The following EDNRA variants were observed in gnomAD, a reference collection of about 807,000 sequenced individuals.
EDNRA encodes endothelin-1 receptor.
Under a neutral mutation model 41.4 loss-of-function variants are expected in EDNRA, and 11 were observed. That is an observed-to-expected ratio of 0.27 (90% CI 0.17 to 0.44). The LOEUF is 0.44. Among genes scored for constraint, EDNRA ranks in the 20% least tolerant of loss-of-function variants. EDNRA has a pLI of 1.00. For missense variants in EDNRA, 294 were observed against 531.0 expected (o/e 0.55, Z 4.39); for synonymous variants, 172 against 183.0 (o/e 0.94, Z 0.49).
Position 147,519,742 on chromosome 4 carries a change from A to G in EDNRA, c.421-109A>G. On this transcript the variant is annotated intron_variant, in intron 2 of 7. Coordinates refer to ENST00000651419, the MANE Select transcript of EDNRA (RefSeq NM_001957.4). The surrounding 1 kb of genome is among the most constrained non-coding windows in gnomAD (Gnocchi z 4.1). ...CTCTTTTGCTACAGTGCTAACTGAA[A>G]AGCACTGTGAATAAAATTTAGAAGT... 7.5e-7 allele frequency: 1 copy of G among 1,325,064 alleles called. No individual in the cohort carries two copies. The highest frequency in any genetic ancestry group is 1.0e-6 in the Non-Finnish European group (1 of 977,474). 82.1% of individuals were successfully genotyped at this position (1,325,064 alleles called of 1,614,324 possible). A position where few individuals can be genotyped will look rare whatever the true frequency, so the allele number is the denominator to read the frequency against.
At chr4:147,482,049 G>C (rs533426524) in intron 1 of EDNRA, among the ~76,000 whole-genome samples, 1 of 152,258 alleles carries the variant, frequency 6.6e-6, no homozygotes, top group East Asian at 1.9e-4. Context: ...GTTGGGGGTG[G>C]GAGGCATATT....
intron 2 of EDNRA, chr4:147,505,959 A>C (rs1412578214): frequency 6.3e-6 from 2 of 317,586 alleles, no homozygotes; most frequent in Admixed American, 4.3e-5. Context: ...GCAGTTTCTT[A>C]TAAAACTAAA....
At chr4:147,541,593 A>G (rs974206562) in intron 7 of EDNRA, among the ~76,000 whole-genome samples, 9 of 152,204 alleles carry the variant, frequency 5.9e-5, no homozygotes, top group Non-Finnish European at 8.8e-5. Flanking sequence ...AGTGCTCAAT[A>G]TGAGTTGATT....
intron 2 of EDNRA, among the ~76,000 whole-genome samples, chr4:147,501,181 GA>G (rs1438275537): frequency 6.6e-6 from 1 of 152,202 alleles, no homozygotes; most frequent in Non-Finnish European, 1.5e-5. Flanking sequence ...TTCTTAGCCA[GA>G]AATTTTGGAT....
At chr4:147,510,639 TG>T (rs761716147) in intron 2 of EDNRA, among the ~76,000 whole-genome samples, 4 of 152,358 alleles carry the variant, frequency 2.6e-5, no homozygotes, top group Non-Finnish European at 2.9e-5. Context: ...TACAGCTCAC[TG>T]GGCAAATTTA....
At chr4:147,514,805 AT>A (rs1730055548) in intron 2 of EDNRA, among the ~76,000 whole-genome samples, 1 of 152,030 alleles carries the variant, frequency 6.6e-6, no homozygotes, top group Non-Finnish European at 1.5e-5. Flanking sequence ...ACTATATTTT[AT>A]ACCTTTTTCT....
Position 147,486,226 on chromosome 4 carries a change from T to C in EDNRA, c.420+125T>C. The C allele has an allele frequency of 1.9e-6, 2 of 1,068,860 alleles. No individual in the cohort carries two copies. The highest frequency in any genetic ancestry group is 2.6e-6 in the Non-Finnish European group (2 of 759,756). 66.2% of individuals were successfully genotyped at this position (1,068,860 alleles called of 1,614,324 possible). A position where few individuals can be genotyped will look rare whatever the true frequency, so the allele number is the denominator to read the frequency against. ...TGTTTTTACTGAGAGCTATTTCTGCTGTCTTCTAACTACTAGTTTTAAGAT... is the reference window on the plus strand; with the variant it reads ...TGTTTTTACTGAGAGCTATTTCTGCCGTCTTCTAACTACTAGTTTTAAGAT... On this transcript the variant is annotated intron_variant, in intron 2 of 7. Coordinates refer to ENST00000651419, the MANE Select transcript of EDNRA (RefSeq NM_001957.4). This position sits in a 1 kb window ranked among gnomAD's most constrained non-coding sequence, Gnocchi z 4.3.
intron 2 of EDNRA, among the ~76,000 whole-genome samples, chr4:147,517,463 GAGGGGGACGT>G (rs1730154371): frequency 6.6e-6 from 1 of 152,206 alleles, no homozygotes; most frequent in African/African-American, 2.4e-5. Context: ...AAAAGGAAAA[GAGGGGGACGT>G]TGCCTACAGG....
chr4:147,490,507 A>G (rs1295003823), intron 2 of EDNRA: 1 of 152,204 alleles, frequency 6.6e-6, no homozygotes, highest in Non-Finnish European at 1.5e-5. Context: ...TCAATAAATT[A>G]CATTATCTGA....
At chr4:147,532,890 C>T (rs1730797358) in intron 4 of EDNRA, among the ~76,000 whole-genome samples, 186 bp downstream of exon 4, 1 of 152,128 alleles carries the variant, frequency 6.6e-6, no homozygotes, top group South Asian at 2.1e-4. Context: ...GTTATGCTGG[C>T]TTTCACTCTT....
chr4:147,499,035 G>T (rs1266064453), intron 2 of EDNRA, among the ~76,000 whole-genome samples: 1 of 152,072 alleles, frequency 6.6e-6, no homozygotes, highest in Non-Finnish European at 1.5e-5. Context: ...TAAATCACTT[G>T]ACCTCCCAAG....
At chr4:147,533,278 C>A (rs1264610291) in intron 4 of EDNRA, among the ~76,000 whole-genome samples, 3 of 152,082 alleles carry the variant, frequency 2.0e-5, no homozygotes, top group Non-Finnish European at 4.4e-5. Context: ...TTTGGTTTAA[C>A]AAATTCAGTT....
At chr4:147,500,101 A>C (rs551401254) in intron 2 of EDNRA, among the ~76,000 whole-genome samples, 1 of 152,280 alleles carries the variant, frequency 6.6e-6, no homozygotes, top group African/African-American at 2.4e-5. Context: ...CACCACACCT[A>C]GCCTCTAAAA....
At chr4:147,487,317 T>C (rs1728981368) in intron 2 of EDNRA, among the ~76,000 whole-genome samples, 1 of 152,184 alleles carries the variant, frequency 6.6e-6, no homozygotes, top group African/African-American at 2.4e-5. Flanking sequence ...CCGAAGGAAT[T>C]ACATATTCCA....
At chr4:147,512,647 G>C (rs2126435309) in intron 2 of EDNRA, among the ~76,000 whole-genome samples, 1 of 152,162 alleles carries the variant, frequency 6.6e-6, no homozygotes, top group East Asian at 1.9e-4. Context: ...ATATGCATGG[G>C]CACTCTCTTT....
intron 3 of EDNRA, among the ~76,000 whole-genome samples, chr4:147,523,483 T>G (rs111616522): frequency 0.05 from 5,284 of 104,842 alleles, 425 homozygotes; most frequent in African/African-American, 0.26. Flanking sequence ...TGTTGTTGTT[T>G]TTTTGTTTTT....
chr4:147,520,916 A>C (rs1050821810), intron 3 of EDNRA, among the ~76,000 whole-genome samples: 16 of 152,208 alleles, frequency 1.1e-4, no homozygotes, highest in Admixed American at 3.3e-4. Context: ...AAACATAAAA[A>C]TGTGCATTCA....
intron 2 of EDNRA, among the ~76,000 whole-genome samples, chr4:147,513,758 A>G (rs1730002932): frequency 6.6e-6 from 1 of 152,242 alleles, no homozygotes; most frequent in Non-Finnish European, 1.5e-5. Context: ...CAGCTATTAC[A>G]GACTGTATTT....
rs10305855 is a variant in EDNRA, at chr4:147,482,631, A to G, written c.-71+1255A>G. On this transcript the variant is annotated intron_variant, in intron 1 of 7. Coordinates refer to ENST00000651419, the MANE Select transcript of EDNRA (RefSeq NM_001957.4). ...CACAGGCCTTTGCCAAGTATCCCTTAGTTTTGCAGCTTAACATGTGTGGAG... is the reference window on the plus strand; with the variant it reads ...CACAGGCCTTTGCCAAGTATCCCTTGGTTTTGCAGCTTAACATGTGTGGAG... Among the ~76,000 whole-genome samples the G allele has an allele frequency of 2.4e-3, 366 of 152,310 alleles. 1 individual carries two copies. The highest frequency in any genetic ancestry group is 4.3e-3 in the Non-Finnish European group (291 of 68,020).
Sources: gnomAD v4.1 joint callset for allele counts (sites outside exome capture counted in the v4.1 genomes callset) on GRCh38, gnomAD v4.1.1 for gene constraint, Gnocchi (gnomAD v3.1) non-coding constraint, MANE v1.5 for transcripts, NCBI Gene and HGNC (gene_info 2026-07-23, HGNC 2026-07-21) for gene names.